Variants in MICU1 observed in about 807,000 individuals in gnomAD.
The protein encoded by MICU1 is calcium uptake protein 1, mitochondrial.
In MICU1, 45 loss-of-function variants were observed where a neutral mutation model predicts 56.8. That is an observed-to-expected ratio of 0.79 (90% confidence interval 0.62 to 1.02). MICU1 has a LOEUF of 1.02. MICU1 is among the 50% of genes least tolerant of loss of function. MICU1 has a pLI of 0.00. For synonymous variants in MICU1, 186 were observed against 195.1 expected, an observed-to-expected ratio of 0.95 and a Z score of 0.39; for missense variants, 504 against 587.1, an observed-to-expected ratio of 0.86 and a Z score of 1.46.
chr10:72,518,720 T>C (rs1867729849), intron 5 of MICU1, among the ~76,000 whole-genome samples: 3 of 152,298 alleles, frequency 2.0e-5, no homozygotes, highest in East Asian at 1.9e-4. Flanking sequence ...CCTCGCTCTG[T>C]TGCCCAGGCT....
intron 1 of MICU1, 21 bp from the exon 2 acceptor site, chr10:72,566,815 TGTCACTCTTAGCTA>T (rs768699669): frequency 6.3e-7 from 1 of 1,595,094 alleles, no homozygotes; most frequent in Non-Finnish European, 8.5e-7. Flanking sequence ...TAAGTAGAAA[TGTCACTCTTAGCTA>T]GTGGTAGTTA....
At chr10:72,459,230 C>T (rs911217801) in intron 8 of MICU1, among the ~76,000 whole-genome samples, 1 of 152,078 alleles carries the variant, frequency 6.6e-6, no homozygotes, top group African/African-American at 2.4e-5. Context: ...ACTTGGGAGG[C>T]TGAGGCAGGA....
chr10:72,392,502 CAG>C (rs1863111245), intron 10 of MICU1, among the ~76,000 whole-genome samples: 1 of 152,074 alleles, frequency 6.6e-6, no homozygotes, highest in Admixed American at 6.6e-5. Flanking sequence ...CCCTGGGAAG[CAG>C]AGGTTGCGGT....
At chr10:72,574,995 G>A (rs1840704883) in intron 1 of MICU1, among the ~76,000 whole-genome samples, 1 of 152,192 alleles carries the variant, frequency 6.6e-6, no homozygotes, top group Non-Finnish European at 1.5e-5. Flanking sequence ...AATAGGAGAT[G>A]CCCGGATGAT....
intron 1 of MICU1, among the ~76,000 whole-genome samples, chr10:72,597,066 T>G (rs192543063): frequency 6.6e-6 from 1 of 152,306 alleles, no homozygotes; most frequent in African/African-American, 2.4e-5. Flanking sequence ...CTGTACTTTT[T>G]GCTCAGTTTT....
At chr10:72,487,845 CTTTT>C (rs1189795120) in intron 6 of MICU1, among the ~76,000 whole-genome samples, 3 of 152,138 alleles carry the variant, frequency 2.0e-5, no homozygotes, top group Admixed American at 1.3e-4. Flanking sequence ...CTTCTGACTT[CTTTT>C]TGTTTCTTAA....
chr10:72,584,612 G>A (rs566007905), intron 1 of MICU1, among the ~76,000 whole-genome samples: 4 of 152,016 alleles, frequency 2.6e-5, no homozygotes, highest in African/African-American at 9.7e-5. Flanking sequence ...GAGTGCAGTG[G>A]TGCAATGATG....
intron 8 of MICU1, among the ~76,000 whole-genome samples, chr10:72,447,644 G>A (rs545644687): frequency 2.6e-5 from 4 of 151,842 alleles, no homozygotes; most frequent in South Asian, 4.2e-4. Context: ...TGCAATATAC[G>A]AAAAAATCAT....
intron 6 of MICU1, among the ~76,000 whole-genome samples, chr10:72,496,904 A>T (rs1564902677): frequency 6.6e-6 from 1 of 152,024 alleles, no homozygotes; most frequent in African/African-American, 2.4e-5. Context: ...TTAGCCAACA[A>T]ATATATATGG....
intron 5 of MICU1, 135 bp downstream of exon 5, chr10:72,533,611 C>A (rs1297977506): frequency 6.6e-6 from 4 of 609,622 alleles, no homozygotes; most frequent in African/African-American, 3.8e-5. Flanking sequence ...GAGGCACAGA[C>A]CCCCTAACCT....
chr10:72,431,055 T>C (rs549600972), intron 8 of MICU1, among the ~76,000 whole-genome samples: 251 of 152,290 alleles, frequency 1.6e-3, no homozygotes, highest in Non-Finnish European at 2.8e-3. Context: ...TTTTTACTGT[T>C]ACAGATTTCT....
chr10:72,573,327 A>C (rs1438849181), intron 1 of MICU1, among the ~76,000 whole-genome samples: 25 of 149,030 alleles, frequency 1.7e-4, no homozygotes, highest in Middle Eastern at 3.5e-3. Flanking sequence ...AAAAAAAAAA[A>C]AAAAAAAACT....
intron 8 of MICU1, among the ~76,000 whole-genome samples, chr10:72,437,346 A>T (rs112329222): frequency 0.013 from 1,906 of 152,302 alleles, 41 homozygotes; most frequent in African/African-American, 0.043. Flanking sequence ...AGCAAATGCC[A>T]AGAGATTTTG....
intron 8 of MICU1, among the ~76,000 whole-genome samples, chr10:72,446,341 TG>T (rs141336630): frequency 0.053 from 8,114 of 152,284 alleles, 741 homozygotes; most frequent in African/African-American, 0.19. Flanking sequence ...TTCGTTTTTT[TG>T]AGATGGAGTG....
At chr10:72,393,561 A>AT (rs1051222821) in intron 10 of MICU1, among the ~76,000 whole-genome samples, 1 of 152,078 alleles carries the variant, frequency 6.6e-6, no homozygotes, top group Non-Finnish European at 1.5e-5. Context: ...GAAAAAAACG[A>AT]TATTTTATGA....
At chr10:72,428,063 G>C (rs1233423284) in intron 8 of MICU1, among the ~76,000 whole-genome samples, 1 of 152,132 alleles carries the variant, frequency 6.6e-6, no homozygotes. Context: ...GGACACTCAA[G>C]AGCCCAGGTC....
chr10:72,539,023 C>CA (rs1839704065), intron 4 of MICU1, among the ~76,000 whole-genome samples: 1 of 151,954 alleles, frequency 6.6e-6, no homozygotes, highest in Non-Finnish European at 1.5e-5. Flanking sequence ...ATAAAGGAGT[C>CA]AATTCATTAA....
At chr10:72,498,428 G>A (rs891423694) in intron 6 of MICU1, among the ~76,000 whole-genome samples, 3 of 151,986 alleles carry the variant, frequency 2.0e-5, no homozygotes, top group Non-Finnish European at 4.4e-5. Context: ...TCTATTAAAA[G>A]TACAAAAATT....
chr10:72,427,733 A>AAAAAATATATAT (rs1864391183), intron 8 of MICU1, among the ~76,000 whole-genome samples: 1 of 136,292 alleles, frequency 7.3e-6, no homozygotes, highest in African/African-American at 2.8e-5. Flanking sequence ...CCATCTCTAA[A>AAAAAATATATAT]ATATATATAT....
Sources: gnomAD v4.1 joint callset for allele counts (sites outside exome capture counted in the v4.1 genomes callset) on GRCh38, gnomAD v4.1.1 for gene constraint, MANE v1.5 for transcripts, NCBI Gene and HGNC (gene_info 2026-07-23, HGNC 2026-07-21) for gene names.